Variants in ABCB1 observed in about 807,000 individuals in gnomAD.
ABCB1 encodes the protein ATP binding cassette subfamily B member 1, also known as ATP-dependent translocase ABCB1.
ABCB1 carries 69 observed loss-of-function variants against 142.0 expected under a neutral mutation model. The observed-to-expected ratio is 0.49, with a 90% CI of 0.40 to 0.59. ABCB1 has a LOEUF of 0.59. Among genes scored for constraint, ABCB1 ranks in the 20% least tolerant of loss-of-function variants. The pLI is 0.00. For synonymous variants in ABCB1, 532 were observed against 539.2 expected, an observed-to-expected ratio of 0.99 and a Z score of 0.18; for missense variants, 1,326 against 1,554.7, an observed-to-expected ratio of 0.85 and a Z score of 2.47.
chr7:87,553,317 C>CTTTTTTTTTTTTT (rs941637830), intron 9 of ABCB1, among the ~76,000 whole-genome samples: 3 of 112,666 alleles, frequency 2.7e-5, no homozygotes, highest in African/African-American at 3.6e-5. Context: ...TTTTTTTCCA[C>CTTTTTTTTTTTTT]TTTTTTTTTT....
intron 20 of ABCB1, 55 bp downstream of exon 20, chr7:87,536,403 G>A (rs899656547): frequency 6.5e-7 from 1 of 1,536,168 alleles, no homozygotes; most frequent in Non-Finnish European, 9.0e-7. Flanking sequence ...TTAGTTTCAT[G>A]CTGGGGTCCA....
chr7:87,550,422 T>A, intron 11 of ABCB1, 46 bp downstream of exon 11: 1 of 1,603,976 alleles, frequency 6.2e-7, no homozygotes, highest in Non-Finnish European at 8.5e-7. Flanking sequence ...CATCAGAAAC[T>A]CTTCATTCAA....
At chr7:87,513,060 C>T (rs1201960699) in intron 25 of ABCB1, among the ~76,000 whole-genome samples, 3 of 152,210 alleles carry the variant, frequency 2.0e-5, no homozygotes, top group Admixed American at 6.5e-5. Context: ...TCTCCTTCAG[C>T]AGCTGTGGTA....
intron 4 of ABCB1, among the ~76,000 whole-genome samples, chr7:87,575,578 A>G (rs1164273113): frequency 6.6e-6 from 1 of 152,150 alleles, no homozygotes; most frequent in East Asian, 1.9e-4. Flanking sequence ...CTAATAAACC[A>G]ATAAACTACT....
chr7:87,669,088 C>G (rs1825569378), intron 1 of ABCB1, among the ~76,000 whole-genome samples: 1 of 151,940 alleles, frequency 6.6e-6, no homozygotes, highest in African/African-American at 2.4e-5. Flanking sequence ...TGAAGTCTCC[C>G]ACTATTTTTT....
At position 87,677,274 on chromosome 7, in the gene ABCB1, A is replaced by AACACAC. The variant is rs57009840; in HGVS notation, c.-331+35881_-331+35886dup. Reference sequence around the variant, plus strand: ...TGGATTAATAAACTACAGTGTATATAACACACACACACACACACACACACA... The same window carrying AACACAC: ...TGGATTAATAAACTACAGTGTATATAACACACACACACACACACACACACACACACA... On this transcript the variant is annotated intron_variant, in intron 1 of 28. Coordinates refer to the ABCB1 transcript ENST00000265724. Among the ~76,000 whole-genome samples the AACACAC allele has an allele frequency of 2.8e-3, 374 of 135,892 alleles. 2 individuals carry two copies. Among genetic ancestry groups the AACACAC allele is most frequent in the Middle Eastern group, 0.015 (4 of 266 alleles). The allele number at this position is 135,892 out of a possible 152,430, so 89.2% of individuals were successfully genotyped here. A position where few individuals can be genotyped will look rare whatever the true frequency, so the allele number is the denominator to read the frequency against.
rs542880669 is a variant in ABCB1 at position 87,663,303 on chromosome 7, G to A, written c.-331+49858C>T. On this transcript the variant is annotated intron_variant, in intron 1 of 28. Transcript: ENST00000265724. Reference sequence around the variant, plus strand: ...GTTCTTTTCTACTTAAGCATGATGAGATCTATTCCTTGTGTTTATTACCCA... The same window carrying A: ...GTTCTTTTCTACTTAAGCATGATGAAATCTATTCCTTGTGTTTATTACCCA... Among the ~76,000 whole-genome samples the A allele has an allele frequency of 2.6e-5, 4 of 152,046 alleles. No homozygotes were observed. In the East Asian group the frequency reaches 7.7e-4, roughly 29 times the overall value.
intron 9 of ABCB1, among the ~76,000 whole-genome samples, chr7:87,552,098 C>T (rs1817098459): frequency 6.6e-6 from 1 of 152,172 alleles, no homozygotes; most frequent in African/African-American, 2.4e-5. Context: ...TTATAAAGCA[C>T]ACACACCTAA....
At chr7:87,583,812 G>A (rs1818619679) in intron 4 of ABCB1, among the ~76,000 whole-genome samples, 1 of 152,170 alleles carries the variant, frequency 6.6e-6, no homozygotes. Context: ...CAGTTCTGAA[G>A]GCTGGGAAGT....
At chr7:87,654,172 C>G (rs77049124) in intron 1 of ABCB1, among the ~76,000 whole-genome samples, 1 of 151,854 alleles carries the variant, frequency 6.6e-6, no homozygotes, top group South Asian at 2.1e-4. Flanking sequence ...ACATAATCTA[C>G]AGGTTCACTG....
chr7:87,521,141 G>C, intron 21 of ABCB1: 1 of 446,768 alleles, frequency 2.2e-6, no homozygotes, highest in Non-Finnish European at 4.1e-6. Flanking sequence ...AAGCCACACA[G>C]CTTTACGTGG....
intron 4 of ABCB1, among the ~76,000 whole-genome samples, chr7:87,579,869 C>A (rs1466916450): frequency 6.6e-6 from 1 of 152,130 alleles, no homozygotes; most frequent in Non-Finnish European, 1.5e-5. Flanking sequence ...TCATATAACT[C>A]ATTTTTAAAC....
At chr7:87,685,277 G>C (rs1827345129) in intron 1 of ABCB1, among the ~76,000 whole-genome samples, 1 of 152,078 alleles carries the variant, frequency 6.6e-6, no homozygotes, top group Non-Finnish European at 1.5e-5. Context: ...AATATGCAAA[G>C]AGCTGAACAG....
intron 17 of ABCB1, 138 bp from the exon 18 acceptor site, chr7:87,541,602 T>C: frequency 1.4e-6 from 1 of 707,082 alleles, no homozygotes; most frequent in Non-Finnish European, 2.6e-6. Flanking sequence ...GCTTTCCTAT[T>C]GCCAGCCTTA....
chr7:87,525,464 TAAC>T (rs1815741758), intron 21 of ABCB1, among the ~76,000 whole-genome samples: 1 of 152,088 alleles, frequency 6.6e-6, no homozygotes, highest in South Asian at 2.1e-4. Context: ...CCCAGAAACT[TAAC>T]TACTAATAGC....
intron 23 of ABCB1, among the ~76,000 whole-genome samples, chr7:87,517,626 T>C (rs1188468923): frequency 6.6e-6 from 1 of 152,220 alleles, no homozygotes; most frequent in Admixed American, 6.5e-5. Flanking sequence ...AGCATTATTG[T>C]GGTAATCAAC....
chr7:87,577,735 T>C (rs1818332685), intron 4 of ABCB1, among the ~76,000 whole-genome samples: 1 of 152,246 alleles, frequency 6.6e-6, no homozygotes, highest in African/African-American at 2.4e-5. Flanking sequence ...TTTTGAGAAA[T>C]GTCTATTCAG....
chr7:87,605,862 T>C (rs912129056), upstream of ABCB1, among the ~76,000 whole-genome samples: 4 of 152,102 alleles, frequency 2.6e-5, no homozygotes, highest in South Asian at 4.1e-4. Context: ...CTAATAAAGA[T>C]GGTCAATGGA....
At chr7:87,612,951 T>C (rs1819903960) in intron 1 of ABCB1, among the ~76,000 whole-genome samples, 2 of 151,922 alleles carry the variant, frequency 1.3e-5, no homozygotes, top group East Asian at 1.9e-4. Flanking sequence ...CAGTGTTTCA[T>C]AGTTGTTCCT....
Sources: gnomAD v4.1 joint callset for allele counts (sites outside exome capture counted in the v4.1 genomes callset) on GRCh38, gnomAD v4.1.1 for gene constraint, MANE v1.5 for transcripts, NCBI Gene and HGNC (gene_info 2026-07-23, HGNC 2026-07-21) for gene names.